TLCD3B: variants seen among roughly 807,000 people sequenced by gnomAD.
TLCD3B encodes TLC domain containing 3B, also known as ceramide synthase.
A neutral mutation model predicts 23.0 loss-of-function variants in TLCD3B; 9 were observed. That is an observed-to-expected ratio of 0.39 (90% CI 0.24 to 0.68). The LOEUF (loss-of-function observed/expected upper bound fraction) is 0.68, where lower values mean the gene tolerates loss of function less well. TLCD3B is among the 30% of genes least tolerant of loss of function. The probability of loss-of-function intolerance (pLI) is 0.44; values close to 1 mark genes in which losing one functional copy is unlikely to be tolerated. For synonymous variants in TLCD3B, 161 were observed against 161.0 expected (o/e 1.00, Z 0.00); for missense variants, 307 against 371.8 (o/e 0.83, Z 1.43).
chr16:30,033,277 T>C (rs2071403996), upstream of TLCD3B: 1 of 151,876 alleles, frequency 6.6e-6, no homozygotes, highest in Non-Finnish European at 1.5e-5. Context: ...CAAAAAACCA[T>C]AGTTGCATAA....
intron 1 of TLCD3B, chr16:30,030,059 C>T (rs2071307226): frequency 7.4e-7 from 1 of 1,351,190 alleles, no homozygotes; most frequent in Non-Finnish European, 9.8e-7. Context: ...CAAACACTCA[C>T]CCTGAATGAC....
rs548334268 is a variant in TLCD3B at position 30,040,964 on chromosome 16, G to A, written c.-67+31C>T. 1.6e-4 allele frequency: 24 copies of A among 152,360 alleles called. No individual in the cohort carries two copies. The East Asian group carries it at 4.3e-3, about 27-fold the overall frequency. 9.4% of individuals were successfully genotyped at this position (152,360 alleles called of 1,614,324 possible). A position where few individuals can be genotyped will look rare whatever the true frequency, so the allele number is the denominator to read the frequency against. On this transcript the variant is annotated intron_variant, in intron 3 of 6. Transcript: ENST00000561666. ...GCGTGAGCCACTGAGTGTGACCAGG[G>A]ATGGTCATTTTCCTCTGCACCTGTG...
chr16:30,035,084 G>T, upstream of TLCD3B: 1 of 239,996 alleles, frequency 4.2e-6, no homozygotes, highest in Non-Finnish European at 8.5e-6. Flanking sequence ...GCTAATTTTT[G>T]TATTTTTAGT....
At chr16:30,042,207 C>T (rs990169317) in intron 2 of TLCD3B, among the ~76,000 whole-genome samples, 3 of 151,672 alleles carry the variant, frequency 2.0e-5, no homozygotes, top group East Asian at 3.8e-4. Flanking sequence ...TTTTCTGAGC[C>T]GCCTTTATTT....
At chr16:30,048,003 G>A (rs763548986) in intron 1 of TLCD3B, among the ~76,000 whole-genome samples, 7 of 151,804 alleles carry the variant, frequency 4.6e-5, no homozygotes, top group East Asian at 1.9e-4. Flanking sequence ...TTAGCTGGGC[G>A]TGGTGGCGGG....
At chr16:30,035,851 C>T (rs1038438815), upstream of TLCD3B, among the ~76,000 whole-genome samples, 2 of 151,396 alleles carry the variant, frequency 1.3e-5, no homozygotes, top group East Asian at 3.9e-4. Context: ...CAACCTCCAC[C>T]TCCCGGGTTC....
rs2150969467 is a variant in TLCD3B, at chr16:30,024,556, T to G, written c.*627A>C. The G allele has an allele frequency of 2.6e-6, 1 of 391,820 alleles. No individual in the cohort carries two copies. Among genetic ancestry groups the G allele is most frequent in the Admixed American group, 4.1e-5 (1 of 24,278 alleles). 24.3% of individuals were successfully genotyped at this position (391,820 alleles called of 1,614,324 possible). The stretch of plus-strand genomic sequence containing the variant: ...CATGGCAGGGCCCGAGGGCGCGATG[T>G]GCAGCCGATGGTGAGGGACTGGGCG... On this transcript the variant is annotated 3_prime_UTR_variant, in exon 5 of 5. Coordinates refer to ENST00000380495, the MANE Select transcript of TLCD3B (RefSeq NM_031478.6).
At chr16:30,040,331 T>C (rs1257599024) in intron 3 of TLCD3B, among the ~76,000 whole-genome samples, 1 of 151,950 alleles carries the variant, frequency 6.6e-6, no homozygotes, top group Non-Finnish European at 1.5e-5. Context: ...GAGCACCCAC[T>C]GTATGCCAGG....
intron 1 of TLCD3B, chr16:30,046,613 ATC>A (rs2071678795): frequency 6.6e-6 from 1 of 152,164 alleles, no homozygotes; most frequent in Non-Finnish European, 1.5e-5. Flanking sequence ...CCCACCCTCT[ATC>A]TGCACACCAG....
At chr16:30,039,106 T>C (rs1447843448) in intron 3 of TLCD3B, among the ~76,000 whole-genome samples, 10 of 132,058 alleles carry the variant, frequency 7.6e-5, no homozygotes, top group African/African-American at 1.1e-4. Flanking sequence ...TTCCTCTCTT[T>C]TTTTTTTTTT....
chr16:30,036,129 A>C (rs2150989233), upstream of TLCD3B: 1 of 1,260,666 alleles, frequency 7.9e-7, no homozygotes, highest in African/African-American at 1.6e-5. Context: ...ACCCTAAGTC[A>C]CCTCTACCTT....
At chr16:30,045,709 TGTGTGTGTTTGTGTGTGTG>T (rs1395597084) in intron 2 of TLCD3B, among the ~76,000 whole-genome samples, 20 of 143,262 alleles carry the variant, frequency 1.4e-4, no homozygotes, top group African/African-American at 3.9e-4. Context: ...GTGTGTGTGT[TGTGTGTGTTTGTGTGTGTG>T]GTGTGTGTTT....
chr16:30,029,182 G>A lies in TLCD3B; in HGVS notation c.209+250C>T, dbSNP rs1213905595. Among the ~76,000 whole-genome samples, 2 of 152,174 alleles carry A rather than the reference G, an allele frequency of 1.3e-5. No homozygotes were observed. Among genetic ancestry groups the A allele is most frequent in the African/African-American group, 2.4e-5 (1 of 41,436 alleles). ...CGACAACACGGGAGACCTGGAAGCC[G>A]ACTAGAAAGCGCTTTGAGGATCCTC... is the stretch of plus-strand genomic sequence containing the variant. On this transcript the variant is annotated intron_variant, in intron 2 of 4. Coordinates refer to ENST00000380495, the MANE Select transcript of TLCD3B (RefSeq NM_031478.6). The surrounding 1 kb of genome is among the most constrained non-coding windows in gnomAD (Gnocchi z 4.6).
intron 2 of TLCD3B, among the ~76,000 whole-genome samples, chr16:30,044,261 G>C (rs1240837436): frequency 6.6e-6 from 1 of 150,774 alleles, no homozygotes; most frequent in Non-Finnish European, 1.5e-5. Context: ...ACCTCCCAGA[G>C]TGCTGGGATT....
chr16:30,031,822 C>T (rs945619560), upstream of TLCD3B, among the ~76,000 whole-genome samples: 9 of 152,164 alleles, frequency 5.9e-5, no homozygotes, highest in South Asian at 2.1e-4. Context: ...GGGCCATCAA[C>T]GATCCTGAGG....
intron 2 of TLCD3B, among the ~76,000 whole-genome samples, chr16:30,045,571 G>A (rs1436653166): frequency 1.4e-5 from 2 of 144,788 alleles, no homozygotes; most frequent in South Asian, 2.3e-4. Flanking sequence ...TGTGTGTGGT[G>A]TATGTGGTAT....
upstream of TLCD3B, among the ~76,000 whole-genome samples, chr16:30,034,173 A>T (rs2071420697): frequency 1.3e-5 from 2 of 151,632 alleles, no homozygotes; most frequent in Non-Finnish European, 2.9e-5. Context: ...CTCAGGAGTC[A>T]GCCCGATTCT....
rs768352903 is a variant in TLCD3B at position 30,024,679 on chromosome 16, TAAATA to T, written c.*499_*503del. 1 of 186,536 alleles carries T rather than the reference TAAATA, an allele frequency of 5.4e-6. No individual in the cohort carries two copies. Among genetic ancestry groups the T allele is most frequent in the Non-Finnish European group, 1.1e-5 (1 of 91,306 alleles). 11.6% of individuals were successfully genotyped at this position (186,536 alleles called of 1,614,324 possible). ...ACAGACTAGTTCAAATTTGGGTAAA[TAAATA>T]AAATAAATAAGATTCCTCAAGCTGG... On this transcript the variant is annotated 3_prime_UTR_variant, in exon 5 of 5. Coordinates refer to ENST00000380495, the MANE Select transcript of TLCD3B (RefSeq NM_031478.6).
chr16:30,029,309 C>G lies in TLCD3B; in HGVS notation c.209+123G>C, dbSNP rs1035629361. On this transcript the variant is annotated intron_variant, in intron 2 of 4. Transcript: ENST00000380495. The surrounding 1 kb of genome is among the most constrained non-coding windows in gnomAD (Gnocchi z 4.6). Reference sequence around the variant, plus strand: ...TTGCGGTTATTGCAGTTAACTTGCTCAGGCCCAAGTTAAGGGCTTGGGGAC... The same window carrying G: ...TTGCGGTTATTGCAGTTAACTTGCTGAGGCCCAAGTTAAGGGCTTGGGGAC... 11 of 812,242 alleles carry G rather than the reference C, an allele frequency of 1.4e-5. No homozygotes were observed. The highest frequency in any genetic ancestry group is 2.3e-5 in the Non-Finnish European group (11 of 487,346). The allele number at this position is 812,242 out of a possible 1,614,324, so 50.3% of individuals were successfully genotyped here. A position where few individuals can be genotyped will look rare whatever the true frequency, so the allele number is the denominator to read the frequency against.
Sources: gnomAD v4.1 joint callset for allele counts (sites outside exome capture counted in the v4.1 genomes callset) on GRCh38, gnomAD v4.1.1 for gene constraint, Gnocchi (gnomAD v3.1) non-coding constraint, MANE v1.5 for transcripts, NCBI Gene and HGNC (gene_info 2026-07-23, HGNC 2026-07-21) for gene names.